The following DPEP1 variants were observed in gnomAD, a reference collection of about 807,000 sequenced individuals.
DPEP1 encodes dipeptidase 1.
In DPEP1, 50 loss-of-function variants were observed where a neutral mutation model predicts 42.3. The observed-to-expected ratio is 1.18, with a 90% CI of 0.94 to 1.50. DPEP1 has a LOEUF of 1.50. Ranked by LOEUF, DPEP1 falls within the 40% of genes most tolerant of loss-of-function variation. The probability of loss-of-function intolerance (pLI) is 0.00; values close to 1 mark genes in which losing one functional copy is unlikely to be tolerated. For missense variants in DPEP1, 663 were observed against 553.0 expected, an observed-to-expected ratio of 1.20 and a Z score of -1.99; for synonymous variants, 297 against 234.0, an observed-to-expected ratio of 1.27 and a Z score of -2.46.
rs555988336 is a variant in DPEP1, at chr16:89,616,072, C to CA, written c.-107+2363dup. Among the ~76,000 whole-genome samples the CA allele has an allele frequency of 4.6e-3, 640 of 139,984 alleles. 7 individuals are homozygous for CA. The highest frequency in any genetic ancestry group is 0.013 in the African/African-American group (475 of 37,756). The allele number at this position is 139,984 out of a possible 152,430, so 91.8% of individuals were successfully genotyped here. A position where few individuals can be genotyped will look rare whatever the true frequency, so the allele number is the denominator to read the frequency against. On this transcript the variant is annotated intron_variant, in intron 1 of 10. Transcript: ENST00000690203. ...TGGGTGACAGAGCAAGACTTCATCT[C>CA]AAAAAAAAAACACAAAAAGTGAATT...
At chr16:89,617,039 G>C (rs1329080679) in intron 1 of DPEP1, 1 of 212,738 alleles carries the variant, frequency 4.7e-6, no homozygotes, top group African/African-American at 2.4e-5. Context: ...GGAAGGGAGG[G>C]GTGGGGTGAT....
intron 1 of DPEP1, among the ~76,000 whole-genome samples, chr16:89,615,258 C>G (rs1432936911): frequency 6.6e-6 from 1 of 152,202 alleles, no homozygotes; most frequent in Non-Finnish European, 1.5e-5. Flanking sequence ...GGACACTGAG[C>G]CCCAAAGCGG....
chr16:89,620,314 G>A (rs1256754568), intron 1 of DPEP1, among the ~76,000 whole-genome samples: 2 of 152,132 alleles, frequency 1.3e-5, no homozygotes, highest in African/African-American at 4.8e-5. Context: ...GGACCCCCAG[G>A]CCACTTGAGA....
Position 89,636,369 on chromosome 16 carries a change from A to G in DPEP1, c.343A>G (p.Thr115Ala), listed in dbSNP as rs2059679259. The G allele has an allele frequency of 6.2e-7, 1 of 1,612,162 alleles. No homozygotes were observed. The highest frequency in any genetic ancestry group is 1.1e-5 in the South Asian group (1 of 91,068). ...CCGCATGTGCCGGATGTACCCGGAG[A>G]CCTTCCTGTATGTCACCAGCAGTGC... The part of the protein sequence containing the change: ...VHRMCRMYPE[T>A]FLYVTSSAGI... Residue 115 changes from threonine to alanine, a missense_variant, in exon 4 of 11, where the codon ACC becomes GCC. Physicochemically the swap from Thr to Ala is moderately conservative, Grantham distance 58. Transcript: ENST00000690203.
intron 1 of DPEP1, among the ~76,000 whole-genome samples, chr16:89,621,296 TG>T (rs1440933396): frequency 2.1e-5 from 1 of 47,670 alleles, no homozygotes; most frequent in African/African-American, 8.3e-5. Context: ...GGGGCAACCG[TG>T]GGGGGCCTGG....
In DPEP1 at chr16:89,636,294, C is replaced by G. The variant is rs749348181; in HGVS notation, c.268C>G (p.Gln90Glu). The change falls in exon 4 of 11, where the codon CAG becomes GAG. Residue 90 changes from glutamine to glutamate, a missense_variant. Transcript: ENST00000690203. Reference protein sequence around the residue: ...FWSVYTPCDTQNKDAVRRTLE... With the variant: ...FWSVYTPCDTENKDAVRRTLE... ...GTCCGTGTACACGCCCTGCGACACC[C>G]AGAACAAAGACGCCGTGCGGAGGAC... is the stretch of plus-strand genomic sequence containing the variant. The G allele has an allele frequency of 3.1e-6, 5 of 1,611,662 alleles. No homozygotes were observed. Among genetic ancestry groups the G allele is most frequent in the Admixed American group, 3.3e-5 (2 of 59,828 alleles).
intron 1 of DPEP1, among the ~76,000 whole-genome samples, chr16:89,618,710 C>T (rs1376886633): frequency 2.0e-5 from 3 of 152,096 alleles, no homozygotes; most frequent in African/African-American, 4.8e-5. Flanking sequence ...GTTGCCCCGG[C>T]TGGTCTCAGA....
chr16:89,613,984 C>T (rs377016159), intron 1 of DPEP1, among the ~76,000 whole-genome samples: 2 of 79,150 alleles, frequency 2.5e-5, no homozygotes, highest in Non-Finnish European at 5.2e-5. Context: ...AGGAGGCTGG[C>T]ACCAGGTGTG....
intron 1 of DPEP1, among the ~76,000 whole-genome samples, chr16:89,625,161 C>T (rs550231277): frequency 2.0e-5 from 3 of 152,214 alleles, no homozygotes; most frequent in African/African-American, 2.4e-5. Flanking sequence ...ACTCTCTCCC[C>T]CTGACCTTGG....
chr16:89,631,553 G>C (rs549901584), intron 2 of DPEP1, among the ~76,000 whole-genome samples: 1 of 152,180 alleles, frequency 6.6e-6, no homozygotes, highest in Admixed American at 6.5e-5. Flanking sequence ...ATGTCTTGTC[G>C]CATAAGAACT....
chr16:89,634,177 C>T (rs1193023784), intron 2 of DPEP1, among the ~76,000 whole-genome samples: 1 of 149,512 alleles, frequency 6.7e-6, no homozygotes, highest in Non-Finnish European at 1.5e-5. Flanking sequence ...CAAGCTCTGC[C>T]TCCTGGGTTC....
chr16:89,623,406 C>T (rs1567982861), intron 1 of DPEP1, among the ~76,000 whole-genome samples: 1 of 152,200 alleles, frequency 6.6e-6, no homozygotes, highest in Non-Finnish European at 1.5e-5. Flanking sequence ...TACGGCACGG[C>T]CCACCTTGCT....
intron 1 of DPEP1, among the ~76,000 whole-genome samples, chr16:89,623,680 C>T (rs768867483): frequency 2.0e-5 from 3 of 151,994 alleles, no homozygotes; most frequent in Non-Finnish European, 4.4e-5. Context: ...ACGAAAGAAC[C>T]GTGCTGGGAG....
chr16:89,615,798 C>G (rs1196087517), intron 1 of DPEP1, among the ~76,000 whole-genome samples: 2 of 152,176 alleles, frequency 1.3e-5, no homozygotes, highest in Non-Finnish European at 1.5e-5. Context: ...ACACGGGGGC[C>G]CCGGGGTCCT....
At chr16:89,615,135 C>T (rs1040332951) in intron 1 of DPEP1, among the ~76,000 whole-genome samples, 2 of 152,216 alleles carry the variant, frequency 1.3e-5, no homozygotes, top group African/African-American at 4.8e-5. Context: ...GCCTCAGTCT[C>T]CTTGTCGACA....
chr16:89,629,920 G>A (rs142985815), intron 1 of DPEP1, among the ~76,000 whole-genome samples: 216 of 152,332 alleles, frequency 1.4e-3, no homozygotes, highest in African/African-American at 5.0e-3. Flanking sequence ...TGATTTTTAC[G>A]TGGAAAGGGG....
At chr16:89,615,341 C>T (rs1162504966) in intron 1 of DPEP1, among the ~76,000 whole-genome samples, 4 of 152,176 alleles carry the variant, frequency 2.6e-5, no homozygotes, top group South Asian at 2.1e-4. Flanking sequence ...GGGTACAGAG[C>T]GGGCAGGCGG....
At chr16:89,617,243 G>C (rs1443068297) in intron 1 of DPEP1, among the ~76,000 whole-genome samples, 1 of 152,150 alleles carries the variant, frequency 6.6e-6, no homozygotes, top group African/African-American at 2.4e-5. Context: ...CTCATGTGAT[G>C]CCCTGAGGAC....
intron 1 of DPEP1, among the ~76,000 whole-genome samples, chr16:89,622,860 G>A (rs894010912): frequency 6.6e-6 from 1 of 152,104 alleles, no homozygotes; most frequent in Non-Finnish European, 1.5e-5. Flanking sequence ...TTTCTGGGAA[G>A]GAGGAAGTGA....
Sources: allele counts gnomAD v4.1 joint callset (sites outside exome capture counted in the v4.1 genomes callset), GRCh38; gene constraint gnomAD v4.1.1; transcripts MANE v1.5; gene names NCBI Gene and HGNC (gene_info 2026-07-23, HGNC 2026-07-21).